HSD11B1: variants seen among roughly 807,000 people sequenced by gnomAD.
HSD11B1 encodes 11-beta-hydroxysteroid dehydrogenase 1.
A neutral mutation model predicts 22.1 loss-of-function variants in HSD11B1; 15 were observed. The ratio of observed to expected loss-of-function variants is 0.68; its 90% CI spans 0.45 to 1.04. The LOEUF (loss-of-function observed/expected upper bound fraction) is 1.04. Among genes scored for constraint, HSD11B1 ranks in the 50% least tolerant of loss-of-function variants. HSD11B1 has a pLI of 0.00. For missense variants in HSD11B1, 281 were observed against 357.6 expected (o/e 0.79, Z 1.73); for synonymous variants, 122 against 125.2 (o/e 0.97, Z 0.17).
chr1:209,703,773 C>T (rs1041148521), upstream of HSD11B1, among the ~76,000 whole-genome samples: 2 of 152,122 alleles, frequency 1.3e-5, no homozygotes, highest in East Asian at 1.9e-4. Flanking sequence ...ATTTTTTCCC[C>T]GCTCTACTGA....
At chr1:209,699,594 A>G (rs1431647942) in intron 1 of HSD11B1, among the ~76,000 whole-genome samples, 1 of 152,124 alleles carries the variant, frequency 6.6e-6, no homozygotes, top group African/African-American at 2.4e-5. Flanking sequence ...GTCAAACCAT[A>G]TCATTCCACC....
intron 4 of HSD11B1, among the ~76,000 whole-genome samples, chr1:209,713,892 T>G (rs1303841148): frequency 6.6e-6 from 1 of 152,248 alleles, no homozygotes; most frequent in East Asian, 1.9e-4. Flanking sequence ...TACAGAGGGC[T>G]GCCTATATTG....
At position 209,697,495 on chromosome 1, in the gene HSD11B1, A is replaced by G. The variant is rs375420910; in HGVS notation, c.-48-7400A>G. On this transcript the variant is annotated intron_variant, in intron 1 of 6. Coordinates refer to the HSD11B1 transcript ENST00000261465. Reference sequence around the variant, plus strand: ...GTAGACTTCCATTAGCGCACTGGTAATGTCTTACACATTTCATTTATTTCC... The same window carrying G: ...GTAGACTTCCATTAGCGCACTGGTAGTGTCTTACACATTTCATTTATTTCC... Among the ~76,000 whole-genome samples, 24 of 152,280 alleles carry G rather than the reference A, an allele frequency of 1.6e-4. No individual in the cohort carries two copies. In the East Asian group the frequency reaches 4.6e-3, roughly 29 times the overall value.
At chr1:209,718,792 G>A (rs1036961193) in intron 4 of HSD11B1, among the ~76,000 whole-genome samples, 6 of 151,904 alleles carry the variant, frequency 3.9e-5, no homozygotes, top group African/African-American at 1.5e-4. Flanking sequence ...TCCCAAGGTG[G>A]GCAGATTACC....
intron 1 of HSD11B1, among the ~76,000 whole-genome samples, chr1:209,686,872 C>A (rs1359204287): frequency 1.3e-5 from 2 of 152,174 alleles, no homozygotes; most frequent in African/African-American, 4.8e-5. Flanking sequence ...GAGGCCTAAA[C>A]GTGTCCATCA....
upstream of HSD11B1, among the ~76,000 whole-genome samples, chr1:209,701,601 C>T (rs114324259): frequency 8.2e-3 from 1,252 of 152,294 alleles, 12 homozygotes; most frequent in Non-Finnish European, 0.011. Flanking sequence ...CAGTGTTTAC[C>T]TACTTTTTAC....
At chr1:209,718,691 G>A (rs927710612) in intron 4 of HSD11B1, among the ~76,000 whole-genome samples, 21 of 152,088 alleles carry the variant, frequency 1.4e-4, no homozygotes, top group Non-Finnish European at 1.8e-4. Context: ...ATTTAAAATA[G>A]AATTATCATG....
chr1:209,719,806 G>A (rs947965094), intron 4 of HSD11B1, among the ~76,000 whole-genome samples: 14 of 152,112 alleles, frequency 9.2e-5, no homozygotes, highest in African/African-American at 3.4e-4. Flanking sequence ...TATCATTGAT[G>A]GACATTTGAA....
In HSD11B1 at chr1:209,734,349, C is replaced by A; in HGVS notation, c.707C>A (p.Ala236Asp). The A allele has an allele frequency of 6.2e-7, 1 of 1,614,108 alleles. No individual in the cohort carries two copies. The highest frequency in any genetic ancestry group is 8.5e-7 in the Non-Finnish European group (1 of 1,179,998). ...TCTGGGATAGTCCATATGCAAGCAG[C>A]TCCAAAGGAGGAATGTGCCCTGGAG... is the stretch of plus-strand genomic sequence containing the variant. ...AVSGIVHMQA[A>D]PKEECALEII... The change falls in exon 6 of 6, where the codon GCT becomes GAT. Residue 236 changes from alanine (A) to aspartate (D), a missense_variant. Ala to Asp is a moderately radical substitution (Grantham distance 126). Coordinates refer to ENST00000367027, the MANE Select transcript of HSD11B1 (RefSeq NM_005525.4).
chr1:209,706,014 C>G lies in HSD11B1; in HGVS notation c.219+73C>G. 6.4e-7 allele frequency: 1 copy of G among 1,573,406 alleles called. No homozygotes were observed. Among genetic ancestry groups the G allele is most frequent in the Non-Finnish European group, 8.7e-7 (1 of 1,144,704 alleles). On this transcript the variant is annotated intron_variant, in intron 2 of 5. Coordinates refer to ENST00000367027, the MANE Select transcript of HSD11B1 (RefSeq NM_005525.4). The surrounding 1 kb of genome is among the most constrained non-coding windows in gnomAD (Gnocchi z 4.0). ...GTGTTCTTATATATGCTCACATATA[C>G]ACAGAAGCTAGCATATCGCAGATCT...
upstream of HSD11B1, among the ~76,000 whole-genome samples, chr1:209,702,845 A>G (rs1325850719): frequency 6.6e-6 from 1 of 152,234 alleles, no homozygotes; most frequent in Non-Finnish European, 1.5e-5. Flanking sequence ...ACCATTACAC[A>G]GTGTCCTTGT....
At chr1:209,723,628 T>C (rs1459047945) in intron 4 of HSD11B1, among the ~76,000 whole-genome samples, 1 of 152,186 alleles carries the variant, frequency 6.6e-6, no homozygotes, top group East Asian at 1.9e-4. Flanking sequence ...CAATTTAACT[T>C]TTACCAAAGC....
chr1:209,715,050 C>G (rs142035619), intron 4 of HSD11B1, among the ~76,000 whole-genome samples: 1 of 152,176 alleles, frequency 6.6e-6, no homozygotes, highest in African/African-American at 2.4e-5. Flanking sequence ...ATTCACCAGG[C>G]ATTCATGTAG....
chr1:209,734,565 T>A lies in HSD11B1; in HGVS notation c.*44T>A, dbSNP rs1418148677. ...GCATGCTGAGGGATTTTGGGACTGTTCTGTCTCATGTTTATCTGAGCTCTT... is the reference window on the plus strand; with the variant it reads ...GCATGCTGAGGGATTTTGGGACTGTACTGTCTCATGTTTATCTGAGCTCTT... On this transcript the variant is annotated 3_prime_UTR_variant, in exon 6 of 6. Transcript: ENST00000367027. The A allele has an allele frequency of 5.1e-6, 7 of 1,384,394 alleles. No homozygotes were observed. In the East Asian group the frequency reaches 1.4e-4, roughly 27 times the overall value. The allele number at this position is 1,384,394 out of a possible 1,614,324, so 85.8% of individuals were successfully genotyped here.
intron 1 of HSD11B1, among the ~76,000 whole-genome samples, chr1:209,688,225 A>G (rs967485234): frequency 6.6e-6 from 1 of 152,114 alleles, no homozygotes; most frequent in African/African-American, 2.4e-5. Flanking sequence ...TTGCCTGAAT[A>G]CATGCAGTTA....
intron 4 of HSD11B1, among the ~76,000 whole-genome samples, chr1:209,722,963 C>A (rs1392304278): frequency 2.6e-5 from 4 of 152,158 alleles, no homozygotes; most frequent in Non-Finnish European, 5.9e-5. Flanking sequence ...CTTTTGACCT[C>A]TTCTACTCAG....
At chr1:209,734,244 C>A in intron 5 of HSD11B1, 60 bp from the exon 6 acceptor site, 1 of 1,352,930 alleles carries the variant, frequency 7.4e-7, no homozygotes, top group Non-Finnish European at 1.0e-6. Flanking sequence ...TGTCTCCAGG[C>A]CTTCCATCAT....
At chr1:209,717,871 CAAAAAAAAAAAAA>C (rs1015577238) in intron 4 of HSD11B1, among the ~76,000 whole-genome samples, 1 of 39,636 alleles carries the variant, frequency 2.5e-5, no homozygotes, top group Non-Finnish European at 6.0e-5. Context: ...GACTCCATCT[CAAAAAAAAAAAAA>C]AAAAAAAAAG....
chr1:209,690,903 T>G (rs1390188423), intron 1 of HSD11B1, among the ~76,000 whole-genome samples: 2 of 151,936 alleles, frequency 1.3e-5, no homozygotes, highest in Non-Finnish European at 2.9e-5. Context: ...GAGAATAAAA[T>G]ACTCAAAAAA....
Sources: gnomAD v4.1 joint callset for allele counts (sites outside exome capture counted in the v4.1 genomes callset) on GRCh38, gnomAD v4.1.1 for gene constraint, Gnocchi (gnomAD v3.1) non-coding constraint, MANE v1.5 for transcripts, NCBI Gene and HGNC (gene_info 2026-07-23, HGNC 2026-07-21) for gene names.